NBN: variants seen among roughly 807,000 people sequenced by gnomAD.
The protein encoded by NBN is Nijmegen breakage syndrome 1 (nibrin).
In NBN, 88 loss-of-function variants were observed where a neutral mutation model predicts 90.8. The ratio of observed to expected loss-of-function variants is 0.97; its 90% confidence interval spans 0.82 to 1.16. The LOEUF is 1.16. Among genes scored for constraint, NBN ranks in the 50% most tolerant of loss-of-function variants. The pLI is 0.00. For missense variants in NBN, 894 were observed against 869.6 expected (o/e 1.03, Z -0.35); for synonymous variants, 328 against 295.1 (o/e 1.11, Z -1.14).
chr8:89,952,422 C>T (rs1020149515), intron 11 of NBN, among the ~76,000 whole-genome samples: 4 of 152,174 alleles, frequency 2.6e-5, no homozygotes, highest in Non-Finnish European at 4.4e-5. Flanking sequence ...TGGGGATTCC[C>T]TTGCCTATAT....
intron 8 of NBN, among the ~76,000 whole-genome samples, chr8:89,961,547 G>C (rs1011609850): frequency 6.6e-6 from 1 of 152,232 alleles, no homozygotes; most frequent in Non-Finnish European, 1.5e-5. Context: ...GTAATCATTT[G>C]TAGAATGAGT....
At chr8:89,945,526 A>C (rs1810145783) in intron 13 of NBN, among the ~76,000 whole-genome samples, 1 of 152,216 alleles carries the variant, frequency 6.6e-6, no homozygotes, top group Non-Finnish European at 1.5e-5. Context: ...AGTAATTACT[A>C]TACTCTGATC....
At chr8:89,954,769 A>T (rs547057182) in intron 10 of NBN, among the ~76,000 whole-genome samples, 1 of 152,268 alleles carries the variant, frequency 6.6e-6, no homozygotes, top group East Asian at 1.9e-4. Flanking sequence ...GAGAAATAAC[A>T]TCATCTTTTC....
intron 6 of NBN, 30 bp from the exon 7 acceptor site, chr8:89,970,587 TA>T: frequency 6.3e-7 from 1 of 1,586,426 alleles, no homozygotes; most frequent in Non-Finnish European, 8.7e-7. Context: ...TTTTTTAAAG[TA>T]AAATGTAGTA....
intron 14 of NBN, among the ~76,000 whole-genome samples, chr8:89,941,166 A>G (rs192109057): frequency 6.6e-6 from 1 of 152,296 alleles, no homozygotes; most frequent in East Asian, 1.9e-4. Flanking sequence ...TTTAAAATAT[A>G]TAATAGAAAA....
chr8:89,974,064 G>A (rs1811634041), intron 5 of NBN, among the ~76,000 whole-genome samples: 1 of 151,836 alleles, frequency 6.6e-6, no homozygotes, highest in Non-Finnish European at 1.5e-5. Flanking sequence ...CTAACCTACA[G>A]TATATCATTT....
chr8:89,982,425 A>C (rs1456761816), intron 2 of NBN: 3 of 422,582 alleles, frequency 7.1e-6, no homozygotes, highest in African/African-American at 4.0e-5. Flanking sequence ...CACCAAACTA[A>C]TAGTAAACAA....
chr8:89,962,913 C>G (rs1811059700), intron 8 of NBN, among the ~76,000 whole-genome samples: 1 of 152,208 alleles, frequency 6.6e-6, no homozygotes, highest in South Asian at 2.1e-4. Flanking sequence ...GCCATTTGTA[C>G]TGCAATGTGA....
chr8:89,958,496 TG>T (rs1373606781), intron 9 of NBN, among the ~76,000 whole-genome samples: 2 of 151,904 alleles, frequency 1.3e-5, no homozygotes, highest in Non-Finnish European at 2.9e-5. Context: ...AGTGGCAGAG[TG>T]GAGGAGCTGG....
At chr8:89,975,714 G>A (rs948817183) in intron 5 of NBN, among the ~76,000 whole-genome samples, 4 of 152,022 alleles carry the variant, frequency 2.6e-5, no homozygotes, top group Non-Finnish European at 5.9e-5. Flanking sequence ...AACAACCTTA[G>A]GTTAAACACA....
chr8:89,951,478 T>C (rs1287438410), intron 11 of NBN, among the ~76,000 whole-genome samples: 1 of 152,180 alleles, frequency 6.6e-6, no homozygotes, highest in Non-Finnish European at 1.5e-5. Context: ...AACACTTACA[T>C]GTAATATTAA....
chr8:89,934,401 T>G lies in NBN; in HGVS notation c.*1181A>C, dbSNP rs1201725190. 4.3e-6 allele frequency: 1 copy of G among 232,942 alleles called. No homozygotes were observed. The highest frequency in any genetic ancestry group is 6.0e-5 in the East Asian group (1 of 16,560). 14.4% of individuals were successfully genotyped at this position (232,942 alleles called of 1,614,324 possible). On this transcript the variant is annotated 3_prime_UTR_variant, in exon 16 of 16. Transcript: ENST00000265433. Reference sequence around the variant, plus strand: ...TGTTCCCTAGGAAGGCTGAGAAGCTTTTAAAAAAAGACCTTCATTTCCCTA... The same window carrying G: ...TGTTCCCTAGGAAGGCTGAGAAGCTGTTAAAAAAAGACCTTCATTTCCCTA...
chr8:89,959,745 AAAC>A (rs749767745), intron 8 of NBN, among the ~76,000 whole-genome samples: 3 of 152,174 alleles, frequency 2.0e-5, no homozygotes, highest in Admixed American at 1.3e-4. Flanking sequence ...CTATCTCAAA[AAAC>A]AACAACAAAA....
intron 8 of NBN, among the ~76,000 whole-genome samples, chr8:89,961,127 T>C (rs190587000): frequency 6.6e-6 from 1 of 152,348 alleles, no homozygotes; most frequent in Admixed American, 6.5e-5. Context: ...GAAGTAGTTA[T>C]GTACCTTAAC....
In NBN at chr8:89,933,617, A is replaced by C; in HGVS notation, c.*1965T>G. 4.3e-6 allele frequency: 1 copy of C among 232,344 alleles called. No homozygotes were observed. The highest frequency in any genetic ancestry group is 8.5e-6 in the Non-Finnish European group (1 of 117,524). The allele number at this position is 232,344 out of a possible 1,614,324, so 14.4% of individuals were successfully genotyped here. On this transcript the variant is annotated 3_prime_UTR_variant, in exon 16 of 16. Coordinates refer to ENST00000265433, the MANE Select transcript of NBN (RefSeq NM_002485.5). ...AGAACCCTGATCCATAATTCACAAC[A>C]TACATATCAATTCAAGGTAGATCAC... is the stretch of plus-strand genomic sequence containing the variant.
At chr8:89,966,470 T>C (rs1251940241) in intron 7 of NBN, among the ~76,000 whole-genome samples, 1 of 152,204 alleles carries the variant, frequency 6.6e-6, no homozygotes, top group Non-Finnish European at 1.5e-5. Flanking sequence ...AGAGAATATG[T>C]ACTAGCTAGG....
chr8:89,960,623 C>T (rs1240369543), intron 8 of NBN, among the ~76,000 whole-genome samples: 5 of 152,004 alleles, frequency 3.3e-5, no homozygotes, highest in African/African-American at 1.2e-4. Flanking sequence ...TGTACTCCAG[C>T]CTGGGTGACA....
chr8:89,946,619 A>G (rs1301845666), intron 12 of NBN: 3 of 281,796 alleles, frequency 1.1e-5, no homozygotes, highest in Non-Finnish European at 6.8e-6. Context: ...CCAGATATAT[A>G]TCTTATTGAC....
At chr8:89,961,836 G>C (rs1190744061) in intron 8 of NBN, among the ~76,000 whole-genome samples, 2 of 152,106 alleles carry the variant, frequency 1.3e-5, no homozygotes, top group African/African-American at 4.8e-5. Flanking sequence ...TAACTGTAGA[G>C]ATGAGTCTGG....
Sources: gnomAD v4.1 joint callset for allele counts (sites outside exome capture counted in the v4.1 genomes callset) on GRCh38, gnomAD v4.1.1 for gene constraint, MANE v1.5 for transcripts, NCBI Gene and HGNC (gene_info 2026-07-23, HGNC 2026-07-21) for gene names.